Variants in HIVEP3 observed in about 807,000 individuals in gnomAD.
HIVEP3 encodes the protein HIVEP zinc finger 3, also known as transcription factor HIVEP3.
A neutral mutation model predicts 152.8 loss-of-function variants in HIVEP3; 49 were observed. The ratio of observed to expected loss-of-function variants is 0.32; its 90% CI spans 0.26 to 0.41. The LOEUF is 0.41. Among genes scored for constraint, HIVEP3 ranks in the 10% least tolerant of loss-of-function variants. The pLI is 1.00. For missense variants in HIVEP3, 2,790 were observed against 3,103.3 expected, an observed-to-expected ratio of 0.90 and a Z score of 2.40; for synonymous variants, 1,269 against 1,289.0, an observed-to-expected ratio of 0.98 and a Z score of 0.33.
intron 5 of HIVEP3, among the ~76,000 whole-genome samples, chr1:41,529,930 C>A (rs1195847088): frequency 1.9e-5 from 2 of 106,990 alleles, no homozygotes; most frequent in Non-Finnish European, 4.0e-5. Flanking sequence ...CCCCACCACA[C>A]GGACATGCAC....
rs1027546716 is a variant in HIVEP3 at position 41,575,613 on chromosome 1, C to T, written c.5138G>A (p.Gly1713Glu). ...GGCAGGAGCATCCTCCTCCGGCTCC[C>T]CTCTCCTCTCTTCTTCCTTCTCCAC... ...ARVEKEEERR[G>E]EPEEDAPASQ... is the part of the protein sequence containing the mutation. The change falls in exon 5 of 9, where the codon GGG (glycine) becomes GAG (glutamate). Residue 1713 changes from glycine (G) to glutamate (E), a missense_variant. Transcript: ENST00000372583. The T allele has an allele frequency of 5.6e-6, 9 of 1,614,146 alleles. No homozygotes were observed. The highest frequency in any genetic ancestry group is 7.6e-6 in the Non-Finnish European group (9 of 1,179,982).
intron 3 of HIVEP3, among the ~76,000 whole-genome samples, chr1:41,595,582 G>A (rs750269215): frequency 2.6e-5 from 4 of 152,126 alleles, no homozygotes; most frequent in Non-Finnish European, 5.9e-5. Flanking sequence ...ACTCTAGGTG[G>A]GAGGCTTGTG....
intron 3 of HIVEP3, among the ~76,000 whole-genome samples, chr1:41,594,566 T>A (rs757589667): frequency 1.3e-5 from 2 of 152,218 alleles, no homozygotes; most frequent in Non-Finnish European, 2.9e-5. Flanking sequence ...CTAGAGAGGC[T>A]TAGCATTTTT....
chr1:41,758,064 T>A (rs1468553839), intron 1 of HIVEP3, among the ~76,000 whole-genome samples: 1 of 152,172 alleles, frequency 6.6e-6, no homozygotes, highest in Non-Finnish European at 1.5e-5. Context: ...TATATATTTT[T>A]GAAGTACACA....
chr1:41,689,894 C>T (rs1450804232), intron 2 of HIVEP3, among the ~76,000 whole-genome samples: 2 of 152,228 alleles, frequency 1.3e-5, no homozygotes, highest in African/African-American at 4.8e-5. Flanking sequence ...TGCAGCCTGT[C>T]GGCTCCGCCT....
chr1:41,974,392 G>C (rs1384595373), intron 1 of HIVEP3, among the ~76,000 whole-genome samples: 1 of 151,172 alleles, frequency 6.6e-6, no homozygotes, highest in Non-Finnish European at 1.5e-5. Flanking sequence ...CCTCTAAGCT[G>C]GCTTGGCCAC....
At chr1:41,733,952 C>T (rs1283790223) in intron 1 of HIVEP3, among the ~76,000 whole-genome samples, 1 of 152,194 alleles carries the variant, frequency 6.6e-6, no homozygotes, top group Non-Finnish European at 1.5e-5. Flanking sequence ...CACTCCCCGC[C>T]CTCTCCCCCA....
chr1:41,831,078 C>T (rs1642950404), intron 1 of HIVEP3, among the ~76,000 whole-genome samples: 1 of 152,158 alleles, frequency 6.6e-6, no homozygotes, highest in African/African-American at 2.4e-5. Flanking sequence ...TGTTTTTTCT[C>T]ACTCTCACAT....
At chr1:41,809,573 AT>A (rs1488193499) in intron 1 of HIVEP3, among the ~76,000 whole-genome samples, 3 of 152,262 alleles carry the variant, frequency 2.0e-5, no homozygotes. Flanking sequence ...TCAACTGAAG[AT>A]TATTTCCCTG....
In HIVEP3 at chr1:41,513,295, C is replaced by T. The variant is rs759696939; in HGVS notation, c.5926G>A (p.Gly1976Ser). The T allele has an allele frequency of 6.2e-7, 1 of 1,613,238 alleles. No homozygotes were observed. The change falls in exon 8 of 9, where the codon GGC (glycine) becomes AGC (serine). Residue 1976 changes from glycine to serine, a missense_variant. Coordinates refer to ENST00000372583, the MANE Select transcript of HIVEP3 (RefSeq NM_024503.5). ...RRPWSPSKEA[G>S]SRPPLARKHS... ...TTGCGGGCTAGTGGTGGACGGCTGC[C>T]TGCTTCTTTGCTTGGGGACCACGGT...
At chr1:41,840,322 A>G (rs72963205) in intron 1 of HIVEP3, among the ~76,000 whole-genome samples, 1,857 of 152,320 alleles carry the variant, frequency 0.012, 30 homozygotes, top group African/African-American at 0.042. Flanking sequence ...TCTTATAAGG[A>G]GAGGAGAGAC....
chr1:41,639,258 C>T (rs1175594907), intron 2 of HIVEP3, among the ~76,000 whole-genome samples: 1 of 152,188 alleles, frequency 6.6e-6, no homozygotes, highest in African/African-American at 2.4e-5. Flanking sequence ...TGCTGGGATA[C>T]TGGCAAAGGG....
chr1:41,751,163 T>A (rs1177363671), intron 1 of HIVEP3, among the ~76,000 whole-genome samples: 1 of 151,986 alleles, frequency 6.6e-6, no homozygotes, highest in African/African-American at 2.4e-5. Context: ...TAAAGCAAGA[T>A]CAGCAACACC....
rs148071141 is a variant in HIVEP3, at chr1:41,560,922, G to A, written c.5207+14622C>T. On this transcript the variant is annotated intron_variant, in intron 5 of 8. Coordinates refer to ENST00000372583, the MANE Select transcript of HIVEP3 (RefSeq NM_024503.5). ...ACCTCAAACCAGGGTACACGGCCAC[G>A]GTCCTGCCCAATAAGAAGCATCCTG... is the stretch of plus-strand genomic sequence containing the variant. Among the ~76,000 whole-genome samples, 224 of 152,284 alleles carry A rather than the reference G, an allele frequency of 1.5e-3. 2 individuals are homozygous for A. Among genetic ancestry groups the A allele is most frequent in the African/African-American group, 5.0e-3 (206 of 41,552 alleles).
chr1:41,659,340 CTTTG>C (rs1319894437), intron 2 of HIVEP3, among the ~76,000 whole-genome samples: 3 of 152,188 alleles, frequency 2.0e-5, no homozygotes, highest in South Asian at 2.1e-4. Context: ...CATCACACAG[CTTTG>C]TTTGAGTTTC....
chr1:41,940,707 T>G (rs1645041204), intron 1 of HIVEP3, among the ~76,000 whole-genome samples: 1 of 152,024 alleles, frequency 6.6e-6, no homozygotes, highest in Non-Finnish European at 1.5e-5. Context: ...TGGGGAGCTA[T>G]AAAATGAATG....
chr1:41,800,865 G>A (rs1650261340), intron 1 of HIVEP3, among the ~76,000 whole-genome samples: 1 of 152,116 alleles, frequency 6.6e-6, no homozygotes, highest in African/African-American at 2.4e-5. Flanking sequence ...CTCCCATAAT[G>A]TTCCAGACAG....
chr1:41,928,749 T>C (rs755728994), intron 1 of HIVEP3, among the ~76,000 whole-genome samples: 7 of 152,154 alleles, frequency 4.6e-5, no homozygotes, highest in Non-Finnish European at 8.8e-5. Context: ...TTGTCTGATG[T>C]TTTTTCGTGA....
intron 1 of HIVEP3, among the ~76,000 whole-genome samples, chr1:41,780,179 G>A (rs1648958013): frequency 6.6e-6 from 1 of 151,974 alleles, no homozygotes; most frequent in African/African-American, 2.4e-5. Context: ...TCTCAAAGTG[G>A]GGGCCAAGGT....
Sources: allele counts gnomAD v4.1 joint callset (sites outside exome capture counted in the v4.1 genomes callset), GRCh38; gene constraint gnomAD v4.1.1; transcripts MANE v1.5; gene names NCBI Gene and HGNC (gene_info 2026-07-23, HGNC 2026-07-21).